ZNF664: variants seen among roughly 807,000 people sequenced by gnomAD.
ZNF664 encodes zinc finger Organ of Corti 1.
Under a neutral mutation model 18.2 loss-of-function variants are expected in ZNF664, and 10 were observed. That is an observed-to-expected ratio of 0.55 (90% CI 0.34 to 0.93). The LOEUF (loss-of-function observed/expected upper bound fraction) is 0.93, where lower values mean the gene tolerates loss of function less well. Among genes scored for constraint, ZNF664 ranks in the 40% least tolerant of loss-of-function variants. ZNF664 has a pLI of 0.02. For synonymous variants in ZNF664, 119 were observed against 104.2 expected, an observed-to-expected ratio of 1.14 and a Z score of -0.86; for missense variants, 193 against 319.0, an observed-to-expected ratio of 0.61 and a Z score of 3.01.
Position 123,973,247 on chromosome 12 carries a change from A to AGCGCGC in ZNF664, c.-987_-982dup. The AGCGCGC allele has an allele frequency of 1.0e-6, 1 of 985,338 alleles. No homozygotes were observed. Among genetic ancestry groups the AGCGCGC allele is most frequent in the Non-Finnish European group, 1.2e-6 (1 of 833,112 alleles). 61.0% of individuals were successfully genotyped at this position (985,338 alleles called of 1,614,324 possible). A position where few individuals can be genotyped will look rare whatever the true frequency, so the allele number is the denominator to read the frequency against. On this transcript the variant is annotated 5_prime_UTR_variant, in exon 1 of 5. Coordinates refer to ENST00000337815, the MANE Select transcript of ZNF664 (RefSeq NM_152437.3). ...CCCCCGGAGGCGTCTGGGTGTGCGG[A>AGCGCGC]GCGCGCGCGCGCGCGGCTCGGAGGC...
At chr12:124,003,258 A>G (rs557870927) in intron 3 of ZNF664, among the ~76,000 whole-genome samples, 1 of 152,238 alleles carries the variant, frequency 6.6e-6, no homozygotes, top group South Asian at 2.1e-4. Context: ...GAGAAGGCCC[A>G]GGAAGTGCAC....
At chr12:123,984,015 A>G (rs1372994346) in intron 2 of ZNF664, among the ~76,000 whole-genome samples, 1 of 152,160 alleles carries the variant, frequency 6.6e-6, no homozygotes, top group African/African-American at 2.4e-5. Context: ...TGAAGAGCCG[A>G]GGTTTCTGAG....
Position 124,014,113 on chromosome 12 carries a change from G to A in ZNF664, c.*1183G>A, listed in dbSNP as rs138977426. 6.3e-5 allele frequency: 10 copies of A among 158,352 alleles called. No homozygotes were observed. The East Asian group carries it at 2.3e-3, about 36-fold the overall frequency. 9.8% of individuals were successfully genotyped at this position (158,352 alleles called of 1,614,324 possible). On this transcript the variant is annotated 3_prime_UTR_variant, in exon 5 of 5. Transcript: ENST00000337815. ...GATGATAAGTAAACAAATAAATAAT[G>A]TAGTTTGAGATAGTGATTAAGTGCT...
chr12:124,008,715 T>A (rs1957101292), intron 3 of ZNF664, among the ~76,000 whole-genome samples: 1 of 152,200 alleles, frequency 6.6e-6, no homozygotes. Context: ...TTCTCTACAG[T>A]CATTATGAGC....
At chr12:123,982,528 A>C (rs1161879624) in intron 2 of ZNF664, among the ~76,000 whole-genome samples, 1 of 152,066 alleles carries the variant, frequency 6.6e-6, no homozygotes, top group East Asian at 1.9e-4. Flanking sequence ...TGAAACTCTA[A>C]CTTCTGCCAG....
chr12:123,993,283 G>A (rs1956909534), intron 3 of ZNF664, among the ~76,000 whole-genome samples: 1 of 152,196 alleles, frequency 6.6e-6, no homozygotes, highest in Non-Finnish European at 1.5e-5. Flanking sequence ...TTCTTCAAGA[G>A]TGGGGAATGT....
At chr12:123,989,832 C>G (rs1029639159) in intron 3 of ZNF664, among the ~76,000 whole-genome samples, 1 of 152,208 alleles carries the variant, frequency 6.6e-6, no homozygotes, top group African/African-American at 2.4e-5. Context: ...TTCCCTGGCC[C>G]TCTCTGAGAG....
chr12:123,977,894 G>A (rs370746552), intron 2 of ZNF664, among the ~76,000 whole-genome samples: 3 of 152,178 alleles, frequency 2.0e-5, no homozygotes, highest in Admixed American at 2.0e-4. Flanking sequence ...TAAAGAAAAT[G>A]TAAGTAAATA....
Position 124,012,067 on chromosome 12 carries a change from T to A in ZNF664, c.-78T>A. ...CTGCCAAAATGGCCAAATAAGAGAC[T>A]CTATGAAATAACAGTCTTGTAACTG... On this transcript the variant is annotated 5_prime_UTR_variant, in exon 5 of 5. Transcript: ENST00000337815. The A allele has an allele frequency of 6.6e-7, 1 of 1,506,878 alleles. No homozygotes were observed. 93.3% of individuals were successfully genotyped at this position (1,506,878 alleles called of 1,614,324 possible). A position where few individuals can be genotyped will look rare whatever the true frequency, so the allele number is the denominator to read the frequency against.
intron 3 of ZNF664, among the ~76,000 whole-genome samples, chr12:124,005,705 A>G (rs924038548): frequency 1.3e-5 from 2 of 152,136 alleles, no homozygotes; most frequent in African/African-American, 4.8e-5. Context: ...TCTGCCCTCC[A>G]TCTCACATCC....
chr12:124,013,069 T>G lies in ZNF664; in HGVS notation c.*139T>G. 8.4e-7 allele frequency: 1 copy of G among 1,193,430 alleles called. No homozygotes were observed. Among genetic ancestry groups the G allele is most frequent in the Non-Finnish European group, 1.2e-6 (1 of 866,778 alleles). The allele number at this position is 1,193,430 out of a possible 1,614,324, so 73.9% of individuals were successfully genotyped here. On this transcript the variant is annotated 3_prime_UTR_variant, in exon 5 of 5. Transcript: ENST00000337815. ...GTTTCTGAGGAGGCATATGTGAGAT[T>G]GATTTGTTGGTTCATGCCAAGTGTG... is the stretch of plus-strand genomic sequence containing the variant.
intron 2 of ZNF664, among the ~76,000 whole-genome samples, chr12:123,983,386 C>T (rs1341792012): frequency 6.6e-6 from 1 of 152,164 alleles, no homozygotes; most frequent in African/African-American, 2.4e-5. Flanking sequence ...TTCTGAAATA[C>T]ACAGTGTCTC....
At chr12:124,006,749 C>T (rs1594573070) in intron 3 of ZNF664, among the ~76,000 whole-genome samples, 1 of 152,176 alleles carries the variant, frequency 6.6e-6, no homozygotes, top group African/African-American at 2.4e-5. Flanking sequence ...CAGTGTGAGT[C>T]GAGTGCACAG....
At chr12:124,006,421 T>C (rs1235771230) in intron 3 of ZNF664, among the ~76,000 whole-genome samples, 1 of 152,212 alleles carries the variant, frequency 6.6e-6, no homozygotes, top group Non-Finnish European at 1.5e-5. Flanking sequence ...GTTAGTCCTG[T>C]ACCCCCGTCT....
At chr12:123,977,493 A>T (rs1030549423) in intron 2 of ZNF664, among the ~76,000 whole-genome samples, 1 of 151,784 alleles carries the variant, frequency 6.6e-6, no homozygotes, top group Non-Finnish European at 1.5e-5. Flanking sequence ...CTAAACAAGA[A>T]ACTGGCTCTG....
chr12:123,982,349 G>A (rs1161995975), intron 2 of ZNF664, among the ~76,000 whole-genome samples: 4 of 152,324 alleles, frequency 2.6e-5, no homozygotes, highest in African/African-American at 9.6e-5. Flanking sequence ...TCGCTGGGAA[G>A]TTGGTGGCAG....
At chr12:123,989,932 A>T (rs981007119) in intron 3 of ZNF664, among the ~76,000 whole-genome samples, 3 of 152,126 alleles carry the variant, frequency 2.0e-5, no homozygotes, top group Non-Finnish European at 4.4e-5. Flanking sequence ...TGGCTGTAAG[A>T]GGTCACCTGC....
chr12:124,009,190 G>C (rs1363434132), intron 3 of ZNF664, among the ~76,000 whole-genome samples: 1 of 152,110 alleles, frequency 6.6e-6, no homozygotes, highest in Non-Finnish European at 1.5e-5. Context: ...CACAGTAACA[G>C]TTAAATTGTT....
intron 2 of ZNF664, among the ~76,000 whole-genome samples, chr12:123,981,751 G>T (rs553749488): frequency 6.6e-6 from 1 of 152,214 alleles, no homozygotes; most frequent in African/African-American, 2.4e-5. Flanking sequence ...GGTGTGTCAC[G>T]AAGAGGATTT....
Sources: gnomAD v4.1 joint callset for allele counts (sites outside exome capture counted in the v4.1 genomes callset) on GRCh38, gnomAD v4.1.1 for gene constraint, MANE v1.5 for transcripts, NCBI Gene and HGNC (gene_info 2026-07-23, HGNC 2026-07-21) for gene names.